TTC27: variants seen among roughly 807,000 people sequenced by gnomAD.
TTC27 encodes the protein tetratricopeptide repeat domain 27, also known as tetratricopeptide repeat protein 27.
TTC27 carries 79 observed loss-of-function variants against 115.9 expected under a neutral mutation model. That is an observed-to-expected ratio of 0.68 (90% CI 0.57 to 0.82). The LOEUF is 0.82. TTC27 is among the 40% of genes least tolerant of loss of function. TTC27 has a pLI of 0.00. For missense variants in TTC27, 1,054 were observed against 993.1 expected, an observed-to-expected ratio of 1.06 and a Z score of -0.82; for synonymous variants, 401 against 356.0, an observed-to-expected ratio of 1.13 and a Z score of -1.42.
intron 10 of TTC27, among the ~76,000 whole-genome samples, chr2:32,727,395 G>A (rs776157191): frequency 1.1e-4 from 16 of 152,134 alleles, no homozygotes; most frequent in Non-Finnish European, 2.2e-4. Flanking sequence ...TAGACCAGTG[G>A]ATTTTATTAT....
At position 32,633,938 on chromosome 2, in the gene TTC27, CG is replaced by C. The variant is rs1664313303; in HGVS notation, c.333del (p.Pro113LeufsTer29). On this transcript the variant is annotated frameshift_variant, in exon 3 of 20. Transcript: ENST00000317907. LOFTEE classifies it high-confidence loss of function. ...SLQLFVQSNW[T>X]GPPVDLHPQD... ...CAACTTTTTGTTCAGAGCAACTGGACGGGGCCCCCTGTTGACTTACACCCTC... is the reference window on the plus strand; with the variant it reads ...CAACTTTTTGTTCAGAGCAACTGGACGGGCCCCCTGTTGACTTACACCCTC... The C allele has an allele frequency of 6.2e-7, 1 of 1,613,942 alleles. No homozygotes were observed. The highest frequency in any genetic ancestry group is 1.7e-5 in the Admixed American group (1 of 59,994).
intron 10 of TTC27, among the ~76,000 whole-genome samples, chr2:32,717,329 G>T (rs1667788018): frequency 6.6e-6 from 1 of 152,106 alleles, no homozygotes. Flanking sequence ...TAATGATGAT[G>T]CTGTGAGTGT....
intron 9 of TTC27, among the ~76,000 whole-genome samples, chr2:32,681,150 C>G (rs895849897): frequency 5.3e-5 from 8 of 152,304 alleles, no homozygotes; most frequent in Middle Eastern, 3.4e-3. Context: ...ATTACAATGA[C>G]TCACAGTGCT....
chr2:32,749,199 AGTT>A (rs1668928913), intron 12 of TTC27, among the ~76,000 whole-genome samples: 1 of 152,148 alleles, frequency 6.6e-6, no homozygotes, highest in Non-Finnish European at 1.5e-5. Flanking sequence ...AGTCATTTCT[AGTT>A]GTTTTTTGAA....
At chr2:32,734,776 C>T (rs1668399413) in intron 11 of TTC27, among the ~76,000 whole-genome samples, 1 of 152,174 alleles carries the variant, frequency 6.6e-6, no homozygotes, top group African/African-American at 2.4e-5. Context: ...CACTTTTAAT[C>T]TATCTCTTTT....
chr2:32,728,828 C>G (rs1483276593), intron 10 of TTC27, among the ~76,000 whole-genome samples: 1 of 152,164 alleles, frequency 6.6e-6, no homozygotes, highest in African/African-American at 2.4e-5. Flanking sequence ...GTTATTCTCC[C>G]TGTTCCCATT....
intron 3 of TTC27, among the ~76,000 whole-genome samples, chr2:32,635,634 A>G (rs779912379): frequency 9.8e-5 from 15 of 152,290 alleles, no homozygotes; most frequent in Middle Eastern, 6.8e-3. Context: ...CAGTGAGCCA[A>G]GATCACGCCA....
Position 32,676,935 on chromosome 2 carries a change from T to C in TTC27, c.1053-1921T>C, listed in dbSNP as rs536661975. ...ATATATATTATTATTATATGTGGAA[T>C]GTTTCATATATTAAGAATATTTAAT... On this transcript the variant is annotated intron_variant, in intron 8 of 19. Coordinates refer to ENST00000317907, the MANE Select transcript of TTC27 (RefSeq NM_017735.5). Among the ~76,000 whole-genome samples the C allele has an allele frequency of 9.0e-4, 137 of 151,804 alleles. 2 individuals carry two copies. The highest frequency in any genetic ancestry group is 3.1e-3 in the African/African-American group (129 of 41,482).
At chr2:32,724,188 A>G (rs1390533917) in intron 10 of TTC27, among the ~76,000 whole-genome samples, 1 of 152,062 alleles carries the variant, frequency 6.6e-6, no homozygotes, top group Non-Finnish European at 1.5e-5. Flanking sequence ...GATGGGCTGT[A>G]GGGAAGGCAT....
chr2:32,645,566 T>C (rs1008253772), intron 4 of TTC27, among the ~76,000 whole-genome samples: 2 of 152,168 alleles, frequency 1.3e-5, no homozygotes, highest in African/African-American at 4.8e-5. Context: ...ATTATTATTA[T>C]GCTTTAAGTT....
intron 14 of TTC27, among the ~76,000 whole-genome samples, chr2:32,781,434 T>TA (rs34298683): frequency 1.3e-5 from 2 of 152,164 alleles, no homozygotes; most frequent in African/African-American, 2.4e-5. Context: ...CGCCATTTTT[T>TA]AAAAAAATTG....
intron 10 of TTC27, among the ~76,000 whole-genome samples, chr2:32,705,363 A>G (rs1300047472): frequency 6.6e-6 from 1 of 152,196 alleles, no homozygotes; most frequent in Non-Finnish European, 1.5e-5. Flanking sequence ...AGCCTCAGGT[A>G]TTCCTTTACA....
In TTC27 at chr2:32,788,248, A is replaced by G. The variant is rs556964429; in HGVS notation, c.1998+1099A>G. ...TTCTTTCATATTAAAAAAAATGTAC[A>G]TGAAACATTCAAATCCAACACTCCT... is the stretch of plus-strand genomic sequence containing the variant. On this transcript the variant is annotated intron_variant, in intron 16 of 19. Transcript: ENST00000317907. Among the ~76,000 whole-genome samples, 6 of 152,306 alleles carry G rather than the reference A, an allele frequency of 3.9e-5. 1 individual carries two copies. The highest frequency in any genetic ancestry group is 1.4e-4 in the African/African-American group (6 of 41,568).
At chr2:32,792,300 TA>T in intron 16 of TTC27, among the ~76,000 whole-genome samples, 1 of 152,276 alleles carries the variant, frequency 6.6e-6, no homozygotes, top group South Asian at 2.1e-4. Flanking sequence ...AGAGAATGGA[TA>T]TATGTTATAA....
chr2:32,655,183 A>G (rs905341418), intron 5 of TTC27, among the ~76,000 whole-genome samples: 1 of 151,212 alleles, frequency 6.6e-6, no homozygotes, highest in East Asian at 1.9e-4. Context: ...AGCAGAGATG[A>G]GGTTTCACCA....
chr2:32,784,958 G>A (rs1670299542), intron 15 of TTC27, among the ~76,000 whole-genome samples: 1 of 152,164 alleles, frequency 6.6e-6, no homozygotes, highest in Non-Finnish European at 1.5e-5. Context: ...TTGAAGACAT[G>A]TTTCCTTTCT....
chr2:32,795,394 T>A (rs1244450982), intron 16 of TTC27, among the ~76,000 whole-genome samples: 2 of 151,592 alleles, frequency 1.3e-5, no homozygotes, highest in African/African-American at 2.4e-5. Flanking sequence ...TTTGAAAAAA[T>A]TCAGCACACA....
At chr2:32,785,744 T>A (rs527370955) in intron 15 of TTC27, among the ~76,000 whole-genome samples, 2 of 152,294 alleles carry the variant, frequency 1.3e-5, no homozygotes, top group East Asian at 3.9e-4. Flanking sequence ...TACAGGCATG[T>A]GCCACTATGT....
At chr2:32,723,875 C>T (rs1270848215) in intron 10 of TTC27, among the ~76,000 whole-genome samples, 1 of 151,162 alleles carries the variant, frequency 6.6e-6, no homozygotes, top group Non-Finnish European at 1.5e-5. Flanking sequence ...TCATAGCTCA[C>T]TGCATCCTCA....
Sources: allele counts gnomAD v4.1 joint callset (sites outside exome capture counted in the v4.1 genomes callset), GRCh38; gene constraint gnomAD v4.1.1; transcripts MANE v1.5; gene names NCBI Gene and HGNC (gene_info 2026-07-23, HGNC 2026-07-21).